PIBF1: variants seen among roughly 807,000 people sequenced by gnomAD.
The protein encoded by PIBF1 is progesterone immunomodulatory binding factor 1.
PIBF1 carries 90 observed loss-of-function variants against 112.5 expected under a neutral mutation model. The ratio of observed to expected loss-of-function variants is 0.80; its 90% CI spans 0.67 to 0.95. The LOEUF (loss-of-function observed/expected upper bound fraction) is 0.95, where lower values mean the gene tolerates loss of function less well. Ranked by LOEUF, PIBF1 falls within the 40% of genes least tolerant of loss-of-function variation. The pLI is 0.00. For missense variants in PIBF1, 915 were observed against 852.3 expected, an observed-to-expected ratio of 1.07 and a Z score of -0.92; for synonymous variants, 301 against 288.6, an observed-to-expected ratio of 1.04 and a Z score of -0.44.
rs200668528 is a variant in PIBF1, at chr13:72,973,676, G to A, written c.2049+1G>A. 1.7e-5 allele frequency: 25 copies of A among 1,504,182 alleles called. No homozygotes were observed. The highest frequency in any genetic ancestry group is 2.1e-5 in the Non-Finnish European group (23 of 1,092,966). 93.2% of individuals were successfully genotyped at this position (1,504,182 alleles called of 1,614,324 possible). A position where few individuals can be genotyped will look rare whatever the true frequency, so the allele number is the denominator to read the frequency against. On this transcript the variant is annotated splice_donor_variant, in intron 16 of 17. Transcript: ENST00000326291. LOFTEE classifies it high-confidence loss of function. ...AGAACAACTTCTAAATCATCGTGAG[G>A]TATTTTTCCTATTTTGTCATAATTG...
chr13:72,942,728 C>T (rs959734345), intron 14 of PIBF1, among the ~76,000 whole-genome samples: 2 of 152,104 alleles, frequency 1.3e-5, no homozygotes, highest in African/African-American at 4.8e-5. Flanking sequence ...AGGCTGGGCA[C>T]AGTGGGTCAC....
chr13:72,785,209 G>A (rs1185782615), intron 2 of PIBF1, among the ~76,000 whole-genome samples: 2 of 152,090 alleles, frequency 1.3e-5, no homozygotes, highest in African/African-American at 2.4e-5. Context: ...CGTATTAGCC[G>A]TTGTTGTTTT....
chr13:72,953,762 A>T (rs1306380677), intron 14 of PIBF1, among the ~76,000 whole-genome samples: 1 of 152,094 alleles, frequency 6.6e-6, no homozygotes, highest in Admixed American at 6.5e-5. Flanking sequence ...AGGTGTCATA[A>T]TGGGCTGTGC....
intron 1 of PIBF1, among the ~76,000 whole-genome samples, chr13:72,782,566 T>C (rs1344499858): frequency 6.6e-6 from 1 of 152,160 alleles, no homozygotes; most frequent in Non-Finnish European, 1.5e-5. Context: ...TCTCGCTGTT[T>C]CCCCTCCACA....
chr13:72,981,618 A>C (rs2043160161), intron 16 of PIBF1, among the ~76,000 whole-genome samples: 1 of 152,230 alleles, frequency 6.6e-6, no homozygotes, highest in Admixed American at 6.5e-5. Context: ...TTTGAGAAAA[A>C]TGAATTTTGA....
At chr13:72,930,752 C>T (rs927511501) in intron 13 of PIBF1, among the ~76,000 whole-genome samples, 1 of 152,206 alleles carries the variant, frequency 6.6e-6, no homozygotes, top group South Asian at 2.1e-4. Context: ...AACTCTGATA[C>T]TTCTCAAAGT....
chr13:72,866,238 A>T (rs1269962781), intron 10 of PIBF1, among the ~76,000 whole-genome samples: 4 of 152,138 alleles, frequency 2.6e-5, no homozygotes, highest in Admixed American at 2.6e-4. Flanking sequence ...ACTTAATCAC[A>T]TCTACAAAGA....
At chr13:72,966,941 C>CT (rs547336254) in intron 15 of PIBF1, among the ~76,000 whole-genome samples, 31,213 of 144,172 alleles carry the variant, frequency 0.22, 4,032 homozygotes, top group African/African-American at 0.37. Flanking sequence ...AATTTTGAAT[C>CT]TTTTTTTTTT....
chr13:72,904,586 G>T (rs1357183620), intron 11 of PIBF1, among the ~76,000 whole-genome samples: 1 of 150,698 alleles, frequency 6.6e-6, no homozygotes, highest in Non-Finnish European at 1.5e-5. Context: ...GACTACAGGC[G>T]CACGCTACCA....
At chr13:72,836,762 A>G (rs552875643) in intron 9 of PIBF1, among the ~76,000 whole-genome samples, 194 of 152,250 alleles carry the variant, frequency 1.3e-3, no homozygotes, top group African/African-American at 1.9e-3. Flanking sequence ...TTTTTGCTAA[A>G]TATGACTTAG....
intron 9 of PIBF1, among the ~76,000 whole-genome samples, chr13:72,840,190 G>T (rs2037543426): frequency 6.6e-6 from 1 of 152,084 alleles, no homozygotes; most frequent in African/African-American, 2.4e-5. Context: ...CTTCATTATG[G>T]CAGATTTAAC....
chr13:72,859,098 T>C lies in PIBF1; in HGVS notation c.1322+4943T>C, dbSNP rs1200013434. Among the ~76,000 whole-genome samples the C allele has an allele frequency of 2.0e-5, 3 of 152,180 alleles. No homozygotes were observed. In the East Asian group the frequency reaches 5.8e-4, roughly 29 times the overall value. On this transcript the variant is annotated intron_variant, in intron 10 of 17. Transcript: ENST00000326291. ...GATGTTTCTAACCATTTAGGATTGC[T>C]TTGAGCCTTAGATATAATATATTTT...
At chr13:72,908,788 C>A in intron 12 of PIBF1, 107 bp downstream of exon 12, 1 of 990,420 alleles carries the variant, frequency 1.0e-6, no homozygotes, top group Non-Finnish European at 1.4e-6. Context: ...GTGGCTCATG[C>A]CTGTAATCTT....
At chr13:72,887,760 A>T (rs2039912231) in intron 10 of PIBF1, among the ~76,000 whole-genome samples, 1 of 151,940 alleles carries the variant, frequency 6.6e-6, no homozygotes, top group Non-Finnish European at 1.5e-5. Flanking sequence ...CCTGTATGGG[A>T]TATTATTTCT....
chr13:72,882,582 C>T (rs189193579), intron 10 of PIBF1, among the ~76,000 whole-genome samples: 24 of 152,202 alleles, frequency 1.6e-4, no homozygotes, highest in African/African-American at 5.8e-4. Flanking sequence ...GTTCAAACAA[C>T]TCAGTAGGAA....
At chr13:72,901,672 C>T (rs529754150) in intron 11 of PIBF1, among the ~76,000 whole-genome samples, 17 of 150,792 alleles carry the variant, frequency 1.1e-4, no homozygotes, top group Admixed American at 3.3e-4. Context: ...GTGACAAGAG[C>T]GAGACTCCTT....
chr13:72,902,484 C>T (rs2040531959), intron 11 of PIBF1, among the ~76,000 whole-genome samples: 1 of 151,070 alleles, frequency 6.6e-6, no homozygotes, highest in Non-Finnish European at 1.5e-5. Flanking sequence ...GGCAATATAC[C>T]AAGTGGGTGG....
At chr13:72,892,606 A>G (rs1478829432) in intron 10 of PIBF1, among the ~76,000 whole-genome samples, 2 of 152,120 alleles carry the variant, frequency 1.3e-5, no homozygotes, top group African/African-American at 4.8e-5. Context: ...CCTATTAAAG[A>G]AATTATTTGA....
At chr13:72,877,479 T>C (rs2039457006) in intron 10 of PIBF1, among the ~76,000 whole-genome samples, 2 of 152,162 alleles carry the variant, frequency 1.3e-5, no homozygotes, top group East Asian at 1.9e-4. Flanking sequence ...CTTAAGTAAT[T>C]GGTAGAATTT....
Sources: allele counts gnomAD v4.1 joint callset (sites outside exome capture counted in the v4.1 genomes callset), GRCh38; gene constraint gnomAD v4.1.1; transcripts MANE v1.5; gene names NCBI Gene and HGNC (gene_info 2026-07-23, HGNC 2026-07-21).